The following CNTN4 variants were observed in gnomAD, a reference collection of about 807,000 sequenced individuals.
CNTN4 encodes the protein contactin-4.
CNTN4 carries 77 observed loss-of-function variants against 122.5 expected under a neutral mutation model. That is an observed-to-expected ratio of 0.63 (90% CI 0.52 to 0.76). The LOEUF (loss-of-function observed/expected upper bound fraction) is 0.76. Ranked by LOEUF, CNTN4 falls within the 30% of genes least tolerant of loss-of-function variation. The pLI, the probability that CNTN4 is intolerant of heterozygous loss-of-function variation, is 0.00. For missense variants in CNTN4, 1,256 were observed against 1,259.1 expected (o/e 1.00, Z 0.04); for synonymous variants, 512 against 447.0 (o/e 1.15, Z -1.83).
intron 3 of CNTN4, among the ~76,000 whole-genome samples, chr3:2,346,748 T>A (rs946479488): frequency 2.6e-5 from 4 of 152,184 alleles, no homozygotes; most frequent in African/African-American, 9.6e-5. Context: ...TCTTTCCTGC[T>A]CACTTTTAAG....
chr3:2,777,132 C>G (rs1260928086), intron 6 of CNTN4, among the ~76,000 whole-genome samples: 2 of 152,162 alleles, frequency 1.3e-5, no homozygotes, highest in Non-Finnish European at 2.9e-5. Flanking sequence ...AGGCGCCCAC[C>G]ACCACGCCCA....
intron 2 of CNTN4, among the ~76,000 whole-genome samples, chr3:2,166,171 T>C (rs2036184757): frequency 6.6e-6 from 1 of 152,138 alleles, no homozygotes; most frequent in South Asian, 2.1e-4. Context: ...TAATGTCAAT[T>C]TATATCCCCA....
chr3:2,747,611 A>C (rs1039069087), intron 6 of CNTN4, among the ~76,000 whole-genome samples: 2 of 152,190 alleles, frequency 1.3e-5, no homozygotes, highest in South Asian at 2.1e-4. Flanking sequence ...AACCAAAACA[A>C]AAAACAAAAC....
At chr3:2,624,647 T>TC (rs1184102875) in intron 4 of CNTN4, among the ~76,000 whole-genome samples, 8 of 148,168 alleles carry the variant, frequency 5.4e-5, no homozygotes, top group Non-Finnish European at 1.2e-4. Context: ...TTTTTTTTTT[T>TC]TCGAGGCTGA....
intron 4 of CNTN4, among the ~76,000 whole-genome samples, chr3:2,601,938 A>T (rs1388294730): frequency 6.6e-6 from 1 of 152,190 alleles, no homozygotes; most frequent in Non-Finnish European, 1.5e-5. Flanking sequence ...CTGATTCAAC[A>T]TACGCAAATC....
At chr3:2,261,329 TACAG>T (rs1559389206) in intron 2 of CNTN4, among the ~76,000 whole-genome samples, 1 of 152,166 alleles carries the variant, frequency 6.6e-6, no homozygotes, top group African/African-American at 2.4e-5. Flanking sequence ...CTCTATTACT[TACAG>T]AGTAAAATTC....
chr3:2,534,763 G>A (rs1026310411), intron 3 of CNTN4, among the ~76,000 whole-genome samples: 20 of 148,036 alleles, frequency 1.4e-4, no homozygotes, highest in East Asian at 3.9e-4. Flanking sequence ...AGAAGTGGTC[G>A]TTAAAAGCTG....
intron 3 of CNTN4, among the ~76,000 whole-genome samples, chr3:2,397,961 A>G (rs2046701557): frequency 6.6e-6 from 1 of 152,158 alleles, no homozygotes; most frequent in Non-Finnish European, 1.5e-5. Context: ...TATTCATTCT[A>G]TTAAAAAATG....
intron 2 of CNTN4, among the ~76,000 whole-genome samples, chr3:2,187,830 G>C (rs1450806197): frequency 6.6e-6 from 1 of 152,094 alleles, no homozygotes; most frequent in East Asian, 1.9e-4. Flanking sequence ...CAGATTTTGA[G>C]TCTGCCTCTG....
chr3:3,038,520 C>G (rs1699835340), intron 18 of CNTN4, among the ~76,000 whole-genome samples: 1 of 152,174 alleles, frequency 6.6e-6, no homozygotes, highest in Non-Finnish European at 1.5e-5. Flanking sequence ...AGGCGCTCCT[C>G]CACTCCAACC....
chr3:2,232,198 T>A (rs1195755463), intron 2 of CNTN4, among the ~76,000 whole-genome samples: 1 of 152,142 alleles, frequency 6.6e-6, no homozygotes, highest in Non-Finnish European at 1.5e-5. Flanking sequence ...TTGTGCTTAT[T>A]TTTACAGTCA....
At chr3:2,474,438 A>C (rs1459153095) in intron 3 of CNTN4, among the ~76,000 whole-genome samples, 1 of 152,202 alleles carries the variant, frequency 6.6e-6, no homozygotes, top group Non-Finnish European at 1.5e-5. Context: ...ATATGAACTT[A>C]AGCCTTTTAA....
chr3:2,502,725 G>C (rs2076629732), intron 3 of CNTN4, among the ~76,000 whole-genome samples: 1 of 152,178 alleles, frequency 6.6e-6, no homozygotes, highest in Non-Finnish European at 1.5e-5. Flanking sequence ...TCATTTTACA[G>C]AGGAAGAAAG....
intron 2 of CNTN4, among the ~76,000 whole-genome samples, chr3:2,251,032 A>G (rs1248255804): frequency 6.6e-6 from 1 of 151,898 alleles, no homozygotes; most frequent in Non-Finnish European, 1.5e-5. Flanking sequence ...ATAGTGTCAT[A>G]TCTAAATATT....
chr3:2,956,855 T>G (rs2094804849), intron 13 of CNTN4, among the ~76,000 whole-genome samples: 1 of 152,156 alleles, frequency 6.6e-6, no homozygotes, highest in African/African-American at 2.4e-5. Flanking sequence ...CGAGCTCTAC[T>G]TTTTTAGATT....
At chr3:2,467,582 ATAGTAAT>A (rs2075547794) in intron 3 of CNTN4, among the ~76,000 whole-genome samples, 1 of 152,202 alleles carries the variant, frequency 6.6e-6, no homozygotes, top group African/African-American at 2.4e-5. Context: ...TCAAATGCGA[ATAGTAAT>A]ATCTGCCTTG....
chr3:2,726,693 C>T (rs1466119240), intron 4 of CNTN4, among the ~76,000 whole-genome samples: 2 of 152,142 alleles, frequency 1.3e-5, no homozygotes, highest in Non-Finnish European at 2.9e-5. Flanking sequence ...GGAAAGTTTG[C>T]TGCAGTGGAG....
At chr3:2,459,900 T>G (rs2049138841) in intron 3 of CNTN4, among the ~76,000 whole-genome samples, 1 of 152,194 alleles carries the variant, frequency 6.6e-6, no homozygotes, top group African/African-American at 2.4e-5. Flanking sequence ...TCTTCTTCCC[T>G]TGTATTTATG....
intron 4 of CNTN4, among the ~76,000 whole-genome samples, chr3:2,659,883 A>G (rs900220181): frequency 6.6e-6 from 1 of 152,228 alleles, no homozygotes; most frequent in African/African-American, 2.4e-5. Context: ...TTCTTAAAAC[A>G]TTGCTCCTGT....
Sources: allele counts gnomAD v4.1 joint callset (sites outside exome capture counted in the v4.1 genomes callset), GRCh38; gene constraint gnomAD v4.1.1; transcripts MANE v1.5; gene names NCBI Gene and HGNC (gene_info 2026-07-23, HGNC 2026-07-21).